Variants in FUT8 observed in about 807,000 individuals in gnomAD.
FUT8 encodes the protein alpha-(1,6)-fucosyltransferase.
In FUT8, 29 loss-of-function variants were observed where a neutral mutation model predicts 71.3. The observed-to-expected ratio is 0.41, with a 90% CI of 0.30 to 0.55. FUT8 has a LOEUF of 0.55. FUT8 is among the 20% of genes least tolerant of loss of function. The pLI, the probability that FUT8 is intolerant of heterozygous loss-of-function variation, is 0.34. For synonymous variants in FUT8, 254 were observed against 239.3 expected, an observed-to-expected ratio of 1.06 and a Z score of -0.57; for missense variants, 544 against 702.1, an observed-to-expected ratio of 0.77 and a Z score of 2.55.
chr14:65,677,712 A>G (rs957784604), intron 7 of FUT8, among the ~76,000 whole-genome samples: 1 of 152,346 alleles, frequency 6.6e-6, no homozygotes, highest in Admixed American at 6.5e-5. Flanking sequence ...TAAACAGGGA[A>G]GTACACTAGT....
chr14:65,620,505 A>G (rs977949932), intron 5 of FUT8, among the ~76,000 whole-genome samples: 2 of 152,220 alleles, frequency 1.3e-5, no homozygotes, highest in South Asian at 2.1e-4. Flanking sequence ...GATTGATAGA[A>G]TAGCTTACAG....
At chr14:65,688,570 T>C (rs1893418886) in intron 7 of FUT8, among the ~76,000 whole-genome samples, 1 of 143,426 alleles carries the variant, frequency 7.0e-6, no homozygotes, top group African/African-American at 2.6e-5. Flanking sequence ...GATTAGACAC[T>C]GACCTTATAC....
the FUT8 span, among the ~76,000 whole-genome samples, chr14:65,384,592 C>T: frequency 6.6e-6 from 1 of 152,106 alleles, no homozygotes; most frequent in Non-Finnish European, 1.5e-5. This position sits in a 1 kb window ranked among gnomAD's most constrained non-coding sequence, Gnocchi z 4.2. Context: ...ATTTATGATA[C>T]AATTATTTAT....
intron 7 of FUT8, among the ~76,000 whole-genome samples, chr14:65,699,943 GC>G (rs1431387525): frequency 6.6e-6 from 1 of 152,084 alleles, no homozygotes; most frequent in African/African-American, 2.4e-5. Context: ...GCATCATCAG[GC>G]ATAAGTAATA....
chr14:65,565,025 C>T (rs191700040), intron 3 of FUT8, among the ~76,000 whole-genome samples: 20 of 152,002 alleles, frequency 1.3e-4, no homozygotes, highest in Admixed American at 2.6e-4. Context: ...GCCAGAAAGT[C>T]CAAGATTGAA....
Position 65,710,553 on chromosome 14 carries a change from C to T in FUT8, c.836-11222C>T, listed in dbSNP as rs528573728. On this transcript the variant is annotated intron_variant, in intron 7 of 10. Coordinates refer to ENST00000673929, the MANE Select transcript of FUT8 (RefSeq NM_001371533.1). Reference sequence around the variant, plus strand: ...CTTTTAGTAGTTTACTAGACAGTAGCGTGTATCTTTTTGATAGCATATTTG... The same window carrying T: ...CTTTTAGTAGTTTACTAGACAGTAGTGTGTATCTTTTTGATAGCATATTTG... Among the ~76,000 whole-genome samples the T allele has an allele frequency of 4.0e-5, 6 of 151,798 alleles. No homozygotes were observed. The East Asian group carries it at 7.7e-4, about 20-fold the overall frequency.
intron 6 of FUT8, among the ~76,000 whole-genome samples, chr14:65,665,060 G>T (rs1179836470): frequency 6.6e-6 from 1 of 152,114 alleles, no homozygotes; most frequent in African/African-American, 2.4e-5. Context: ...AAGTTAGCCA[G>T]TATAGAACAT....
At chr14:65,692,466 CACCT>C (rs1893696557) in intron 7 of FUT8, among the ~76,000 whole-genome samples, 5 of 92,454 alleles carry the variant, frequency 5.4e-5, no homozygotes, top group Non-Finnish European at 8.9e-5. Context: ...CTGACCCCCC[CACCT>C]CCCTCCCAGA....
intron 10 of FUT8, among the ~76,000 whole-genome samples, chr14:65,737,480 T>C (rs1896273571): frequency 6.6e-6 from 1 of 152,168 alleles, no homozygotes; most frequent in African/African-American, 2.4e-5. Context: ...GTGCAAAGCA[T>C]CTCCTTTGTC....
In FUT8 at chr14:65,609,877, T is replaced by G. The variant is rs146983792; in HGVS notation, c.204-6101T>G. Among the ~76,000 whole-genome samples the G allele has an allele frequency of 3.1e-3, 474 of 152,026 alleles. 3 individuals are homozygous for G. Among genetic ancestry groups the G allele is most frequent in the African/African-American group, 0.01 (430 of 41,544 alleles). On this transcript the variant is annotated intron_variant, in intron 3 of 10. Transcript: ENST00000673929. ...GAATTTTATTACTGGCCTGACAATT[T>G]CTAAACAAATTCAGTGTTGTTTTAT...
intron 3 of FUT8, among the ~76,000 whole-genome samples, chr14:65,604,855 G>T (rs756875885): frequency 6.6e-6 from 1 of 151,822 alleles, no homozygotes; most frequent in Non-Finnish European, 1.5e-5. Flanking sequence ...CTTTCCAGAG[G>T]AATTTTTATT....
At chr14:65,487,911 T>G (rs896169913) in intron 2 of FUT8, among the ~76,000 whole-genome samples, 2 of 152,204 alleles carry the variant, frequency 1.3e-5, no homozygotes, top group African/African-American at 4.8e-5. Context: ...CACTGCAGCC[T>G]TGAATTTCTG....
At chr14:65,400,829 G>A in the FUT8 span, among the ~76,000 whole-genome samples, 135 of 152,232 alleles carry the variant, frequency 8.9e-4, no homozygotes, top group Non-Finnish European at 1.7e-3. Context: ...AGGCTGCAGT[G>A]AGCCAGGATC....
At chr14:65,488,957 A>G (rs1255495231) in intron 2 of FUT8, among the ~76,000 whole-genome samples, 5 of 152,194 alleles carry the variant, frequency 3.3e-5, no homozygotes, top group African/African-American at 9.7e-5. Flanking sequence ...GAAGAATAAT[A>G]TGTTTACTAT....
intron 2 of FUT8, among the ~76,000 whole-genome samples, chr14:65,500,052 A>G (rs1445092297): frequency 6.6e-6 from 1 of 152,162 alleles, no homozygotes; most frequent in Non-Finnish European, 1.5e-5. Context: ...TCAAACTTTA[A>G]TGTGCATATG....
intron 3 of FUT8, among the ~76,000 whole-genome samples, chr14:65,573,533 G>A (rs1886597712): frequency 6.6e-6 from 1 of 152,014 alleles, no homozygotes; most frequent in South Asian, 2.1e-4. Context: ...GCAAAGCTTA[G>A]CGAAAGGCAC....
chr14:65,463,726 C>T (rs1594658524), intron 2 of FUT8, among the ~76,000 whole-genome samples: 1 of 152,154 alleles, frequency 6.6e-6, no homozygotes, highest in Non-Finnish European at 1.5e-5. Flanking sequence ...GGATTAAACT[C>T]TGTTCCTTGT....
chr14:65,378,010 G>GGAGA, the FUT8 span, among the ~76,000 whole-genome samples: 1 of 152,148 alleles, frequency 6.6e-6, no homozygotes, highest in Non-Finnish European at 1.5e-5. Flanking sequence ...AGGGGCAGAG[G>GGAGA]GAGAGCTGCC....
chr14:65,501,626 T>C (rs1474857744), intron 2 of FUT8, among the ~76,000 whole-genome samples: 1 of 152,202 alleles, frequency 6.6e-6, no homozygotes, highest in Non-Finnish European at 1.5e-5. Flanking sequence ...AAAGTAGTTT[T>C]CAGAGTTTTA....
Sources: allele counts gnomAD v4.1 joint callset (sites outside exome capture counted in the v4.1 genomes callset), GRCh38; gene constraint gnomAD v4.1.1; non-coding constraint Gnocchi (gnomAD v3.1); transcripts MANE v1.5; gene names NCBI Gene and HGNC (gene_info 2026-07-23, HGNC 2026-07-21).